Variants in TNR observed in about 807,000 individuals in gnomAD.
The protein encoded by TNR is tenascin-R.
TNR carries 45 observed loss-of-function variants against 150.4 expected under a neutral mutation model. That is an observed-to-expected ratio of 0.30 (90% CI 0.24 to 0.38). The LOEUF (loss-of-function observed/expected upper bound fraction) is 0.38, where lower values mean the gene tolerates loss of function less well. Among genes scored for constraint, TNR ranks in the 10% least tolerant of loss-of-function variants. The pLI is 1.00. For missense variants in TNR, 1,544 were observed against 1,759.1 expected, an observed-to-expected ratio of 0.88 and a Z score of 2.19; for synonymous variants, 687 against 678.4, an observed-to-expected ratio of 1.01 and a Z score of -0.20.
chr1:175,613,794 T>G (rs751544026), intron 1 of TNR, among the ~76,000 whole-genome samples: 1 of 152,218 alleles, frequency 6.6e-6, no homozygotes, highest in Non-Finnish European at 1.5e-5. Flanking sequence ...GCCTCCTGCA[T>G]ATCCAGTCTA....
intron 2 of TNR, among the ~76,000 whole-genome samples, chr1:175,520,486 C>A (rs760560687): frequency 6.6e-6 from 1 of 152,222 alleles, no homozygotes; most frequent in Non-Finnish European, 1.5e-5. Flanking sequence ...CACCCTGCCA[C>A]CTGGCCAACT....
chr1:175,473,451 C>A (rs977300146), intron 2 of TNR, among the ~76,000 whole-genome samples: 1 of 152,160 alleles, frequency 6.6e-6, no homozygotes, highest in African/African-American at 2.4e-5. Context: ...ATGCTTCAGG[C>A]TGAATTGTTG....
chr1:175,634,547 G>C (rs781561072), intron 1 of TNR, among the ~76,000 whole-genome samples: 14 of 152,216 alleles, frequency 9.2e-5, no homozygotes, highest in Admixed American at 2.0e-4. Context: ...GAGAGGAAAT[G>C]TAAGTCAGTA....
chr1:175,659,988 G>A (rs1665313324), intron 1 of TNR, among the ~76,000 whole-genome samples: 1 of 151,428 alleles, frequency 6.6e-6, no homozygotes, highest in Non-Finnish European at 1.5e-5. Flanking sequence ...GTGGATCTGG[G>A]TGGAATGCTA....
chr1:175,650,809 CTGT>C (rs1664946321), intron 1 of TNR, among the ~76,000 whole-genome samples: 26 of 122,224 alleles, frequency 2.1e-4, no homozygotes, highest in Middle Eastern at 4.5e-3. Flanking sequence ...TCATTACTAC[CTGT>C]CCCCCACCTC....
At chr1:175,465,530 A>G (rs1347831886) in intron 2 of TNR, among the ~76,000 whole-genome samples, 1 of 152,200 alleles carries the variant, frequency 6.6e-6, no homozygotes, top group Non-Finnish European at 1.5e-5. Context: ...TGGAGTCAGC[A>G]GGGCCTTGTT....
At chr1:175,551,666 C>G (rs1295195777) in intron 1 of TNR, among the ~76,000 whole-genome samples, 1 of 152,016 alleles carries the variant, frequency 6.6e-6, no homozygotes, top group Non-Finnish European at 1.5e-5. Context: ...TAATTAAGAA[C>G]AAAGAAAAAT....
chr1:175,504,866 A>G (rs1441293259), intron 2 of TNR, among the ~76,000 whole-genome samples: 2 of 152,324 alleles, frequency 1.3e-5, no homozygotes, highest in East Asian at 3.9e-4. Flanking sequence ...CTACTCTGGT[A>G]TGACTGGTGT....
At chr1:175,676,039 G>A (rs191037548) in intron 1 of TNR, among the ~76,000 whole-genome samples, 35 of 152,284 alleles carry the variant, frequency 2.3e-4, no homozygotes, top group African/African-American at 8.4e-4. Flanking sequence ...TAACTGCTGG[G>A]GAAGAAGAAC....
intron 1 of TNR, among the ~76,000 whole-genome samples, chr1:175,625,532 G>C (rs966645998): frequency 6.6e-6 from 1 of 152,222 alleles, no homozygotes; most frequent in Non-Finnish European, 1.5e-5. Flanking sequence ...GCTCCAGACT[G>C]GCTCAGCCAG....
rs1233358931 is a variant in TNR at position 175,443,336 on chromosome 1, G to A, written c.-63-36559C>T. On this transcript the variant is annotated intron_variant, in intron 2 of 22. Coordinates refer to ENST00000367674, the MANE Select transcript of TNR (RefSeq NM_003285.3). ...TACTACCCTTATAGTTTTGGAGAAT[G>A]TCACTCTTACCTTGCACAGCAGGAC... Among the ~76,000 whole-genome samples the A allele has an allele frequency of 2.0e-5, 3 of 152,160 alleles. No individual in the cohort carries two copies. The East Asian group carries it at 5.8e-4, about 29-fold the overall frequency.
chr1:175,370,274 A>G (rs1279607683), intron 9 of TNR, among the ~76,000 whole-genome samples: 1 of 146,102 alleles, frequency 6.8e-6, no homozygotes, highest in African/African-American at 2.5e-5. Flanking sequence ...CAGTGCCTGG[A>G]TCTTAGCGGT....
At chr1:175,711,989 T>G (rs776427780) in intron 1 of TNR, among the ~76,000 whole-genome samples, 1 of 152,138 alleles carries the variant, frequency 6.6e-6, no homozygotes, top group Non-Finnish European at 1.5e-5. Context: ...GAAAGATCGG[T>G]GCTGCAGATA....
intron 2 of TNR, among the ~76,000 whole-genome samples, chr1:175,471,278 T>C (rs1424546436): frequency 1.3e-5 from 2 of 152,176 alleles, no homozygotes; most frequent in African/African-American, 4.8e-5. Context: ...ACAGAGCCAG[T>C]GATCACGTCA....
chr1:175,331,078 C>CTTCCTTCT lies in TNR; in HGVS notation c.3632-844_3632-843insAGAAGGAA, dbSNP rs1649829693. Among the ~76,000 whole-genome samples, 28 of 59,916 alleles carry CTTCCTTCT rather than the reference C, an allele frequency of 4.7e-4. 1 individual carries two copies. The highest frequency in any genetic ancestry group is 1.6e-3 in the African/African-American group (26 of 15,814). The allele number at this position is 59,916 out of a possible 152,430, so 39.3% of individuals were successfully genotyped here. A position where few individuals can be genotyped will look rare whatever the true frequency, so the allele number is the denominator to read the frequency against. On this transcript the variant is annotated intron_variant, in intron 20 of 22. Coordinates refer to ENST00000367674, the MANE Select transcript of TNR (RefSeq NM_003285.3). The stretch of plus-strand genomic sequence containing the variant: ...CTTTCTTTCTTTCTTTCTTTCTTTC[C>CTTCCTTCT]TTCTTTCTTTCTTTCTTTCTTTCTC...
chr1:175,375,804 A>G (rs569747521), intron 9 of TNR, among the ~76,000 whole-genome samples: 2 of 152,292 alleles, frequency 1.3e-5, no homozygotes, highest in South Asian at 2.1e-4. Flanking sequence ...GAGGATTAAT[A>G]CCAATAAAAA....
chr1:175,393,807 A>G lies in TNR; in HGVS notation c.1329T>C (p.Asp443=). The change falls in exon 6 of 23, where the codon GAT becomes GAC. Residue 443 remains aspartate, a synonymous_variant. Transcript: ENST00000367674. Reference sequence around the variant, plus strand: ...TTGGAATGAAGCTGATTTCCCACCCATCGAAGGAAAATGAGAAGGGCTCCC... The same window carrying G: ...TTGGAATGAAGCTGATTTCCCACCCGTCGAAGGAAAATGAGAAGGGCTCCC... The part of the protein sequence containing the change: ...VQWEPFSFSF[D]GWEISFIPKN... 1.2e-6 allele frequency: 2 copies of G among 1,614,102 alleles called. No homozygotes were observed. Among genetic ancestry groups the G allele is most frequent in the South Asian group, 2.2e-5 (2 of 91,064 alleles).
At chr1:175,410,918 A>G (rs12742766) in intron 2 of TNR, among the ~76,000 whole-genome samples, 8,170 of 152,224 alleles carry the variant, frequency 0.054, 307 homozygotes, top group Middle Eastern at 0.17. Context: ...CACGTAACCT[A>G]CCCTATCAGG....
chr1:175,411,268 A>G (rs1251030803), intron 2 of TNR, among the ~76,000 whole-genome samples: 3 of 152,078 alleles, frequency 2.0e-5, no homozygotes, highest in East Asian at 3.9e-4. Context: ...CAACTTAATG[A>G]GAGTGTTGAA....
Sources: gnomAD v4.1 joint callset for allele counts (sites outside exome capture counted in the v4.1 genomes callset) on GRCh38, gnomAD v4.1.1 for gene constraint, MANE v1.5 for transcripts, NCBI Gene and HGNC (gene_info 2026-07-23, HGNC 2026-07-21) for gene names.